ADARB2: variants seen among roughly 807,000 people sequenced by gnomAD.
The protein encoded by ADARB2 is adenosine deaminase RNA specific B2 (inactive), also known as inactive double-stranded RNA-specific editase B2.
ADARB2 carries 25 observed loss-of-function variants against 62.2 expected under a neutral mutation model. That is an observed-to-expected ratio of 0.40 (90% CI 0.29 to 0.56). ADARB2 has a LOEUF of 0.56. ADARB2 is among the 20% of genes least tolerant of loss of function. The pLI is 0.43. For missense variants in ADARB2, 1,071 were observed against 1,077.4 expected (o/e 0.99, Z 0.08); for synonymous variants, 572 against 500.8 (o/e 1.14, Z -1.90).
At chr10:1,518,714 G>A (rs907713990) in intron 1 of ADARB2, among the ~76,000 whole-genome samples, 3 of 151,518 alleles carry the variant, frequency 2.0e-5, no homozygotes, top group African/African-American at 4.9e-5. Flanking sequence ...CATTCATTCC[G>A]TGTAATGTCT....
At chr10:1,243,930 C>G (rs1830952563) in intron 4 of ADARB2, among the ~76,000 whole-genome samples, 1 of 152,222 alleles carries the variant, frequency 6.6e-6, no homozygotes, top group South Asian at 2.1e-4. Flanking sequence ...TGCTCCTGAG[C>G]TCAGGAAGTG....
intron 1 of ADARB2, among the ~76,000 whole-genome samples, chr10:1,445,149 A>G (rs545517407): frequency 4.4e-5 from 6 of 137,002 alleles, no homozygotes; most frequent in Admixed American, 3.7e-4. Flanking sequence ...TTCACTCACC[A>G]TCTATCTATC....
At position 1,220,213 on chromosome 10, in the gene ADARB2, ATGATGG is replaced by A. The variant is rs1156762147; in HGVS notation, c.1514-3100_1514-3095del. Among the ~76,000 whole-genome samples, 49 of 136,332 alleles carry A rather than the reference ATGATGG, an allele frequency of 3.6e-4. No homozygotes were observed. In the South Asian group the frequency reaches 9.7e-3, roughly 27 times the overall value. 89.4% of individuals were successfully genotyped at this position (136,332 alleles called of 152,430 possible). A position where few individuals can be genotyped will look rare whatever the true frequency, so the allele number is the denominator to read the frequency against. On this transcript the variant is annotated intron_variant, in intron 6 of 9. Coordinates refer to ENST00000381312, the MANE Select transcript of ADARB2 (RefSeq NM_018702.4). ...GATGATGATGATGGTAATGGTGGTG[ATGATGG>A]TGATGGTGATGATGGTGGTGATAAT...
rs76260586 is a variant in ADARB2, at chr10:1,548,124, C to T, written c.101-168964G>A. On this transcript the variant is annotated intron_variant, in intron 1 of 9. Coordinates refer to ENST00000381312, the MANE Select transcript of ADARB2 (RefSeq NM_018702.4). Reference sequence around the variant, plus strand: ...ACTGACCCTCAATAAAAACCTTGGACGCCGAAGCTCAGGTGAACTTTCCCA... The same window carrying T: ...ACTGACCCTCAATAAAAACCTTGGATGCCGAAGCTCAGGTGAACTTTCCCA... Among the ~76,000 whole-genome samples, 868 of 152,274 alleles carry T rather than the reference C, an allele frequency of 5.7e-3. 51 individuals are homozygous for T. The East Asian group carries it at 0.13, about 23-fold the overall frequency.
At chr10:1,736,916 C>T in intron 1 of ADARB2, 135 bp downstream of exon 1, 1 of 849,448 alleles carries the variant, frequency 1.2e-6, no homozygotes, top group South Asian at 1.6e-5. Flanking sequence ...GAGCGCCCTG[C>T]ACGGAGCAGC....
chr10:1,487,906 G>GAAAC (rs71379133), intron 1 of ADARB2, among the ~76,000 whole-genome samples: 52 of 151,934 alleles, frequency 3.4e-4, no homozygotes, highest in African/African-American at 9.6e-4. Context: ...AAGAAAAAAG[G>GAAAC]AAACAAACAA....
At chr10:1,280,415 G>T (rs187963881) in intron 3 of ADARB2, among the ~76,000 whole-genome samples, 1 of 152,184 alleles carries the variant, frequency 6.6e-6, no homozygotes, top group South Asian at 2.1e-4. Flanking sequence ...GGACATGCAG[G>T]TGTGGACTAT....
At chr10:1,523,603 A>T (rs2131953212) in intron 1 of ADARB2, among the ~76,000 whole-genome samples, 1 of 152,364 alleles carries the variant, frequency 6.6e-6, no homozygotes, top group East Asian at 1.9e-4. Flanking sequence ...TTCTCCACTC[A>T]TCATTAAAAT....
At chr10:1,638,614 T>G (rs549310893) in intron 1 of ADARB2, among the ~76,000 whole-genome samples, 1 of 152,330 alleles carries the variant, frequency 6.6e-6, no homozygotes, top group South Asian at 2.1e-4. Context: ...TCGTGTGCAT[T>G]ACACAGTTTC....
rs775110188 is a variant in ADARB2, at chr10:1,363,785, C to G, written c.320G>C (p.Gly107Ala). 1 of 1,600,066 alleles carries G rather than the reference C, an allele frequency of 6.2e-7. No homozygotes were observed. Among genetic ancestry groups the G allele is most frequent in the South Asian group, 1.1e-5 (1 of 90,900 alleles). Residue 107 changes from glycine to alanine, a missense_variant, in exon 3 of 10, where the codon GGG becomes GCG. Coordinates refer to ENST00000381312, the MANE Select transcript of ADARB2 (RefSeq NM_018702.4). ...CAGCTGCAGTTTGCACAAGTGGCCC[C>G]CATTCCCCTCCTCCAGCGGCCGCTT... is the stretch of plus-strand genomic sequence containing the variant. ...KRKRPLEEGN[G>A]GHLCKLQLVW... is the part of the protein sequence containing the mutation.
chr10:1,356,718 G>A (rs898898978), intron 3 of ADARB2, among the ~76,000 whole-genome samples: 1 of 152,168 alleles, frequency 6.6e-6, no homozygotes, highest in Non-Finnish European at 1.5e-5. Context: ...GGCACACACT[G>A]TTCTTCAATC....
At chr10:1,520,730 G>C (rs929898882) in intron 1 of ADARB2, among the ~76,000 whole-genome samples, 1 of 152,152 alleles carries the variant, frequency 6.6e-6, no homozygotes, top group Non-Finnish European at 1.5e-5. Context: ...TGGCTAATAT[G>C]TATCACCTCC....
intron 4 of ADARB2, among the ~76,000 whole-genome samples, chr10:1,254,314 A>T (rs1002838187): frequency 6.6e-6 from 1 of 152,204 alleles, no homozygotes; most frequent in East Asian, 1.9e-4. Context: ...ACATCACCAG[A>T]ACCGTCTACC....
At chr10:1,469,233 C>T (rs894558068) in intron 1 of ADARB2, among the ~76,000 whole-genome samples, 2 of 152,226 alleles carry the variant, frequency 1.3e-5, no homozygotes, top group Non-Finnish European at 2.9e-5. Context: ...CTCCCCAGTG[C>T]CCCCTGCAAA....
chr10:1,302,598 G>A (rs527645676), intron 3 of ADARB2, among the ~76,000 whole-genome samples: 64 of 152,210 alleles, frequency 4.2e-4, no homozygotes, highest in Non-Finnish European at 7.4e-4. Context: ...CAAAAAGACA[G>A]CAGTAACCTC....
chr10:1,432,579 A>T (rs548970763), intron 1 of ADARB2, among the ~76,000 whole-genome samples: 3 of 150,658 alleles, frequency 2.0e-5, no homozygotes, highest in Non-Finnish European at 4.4e-5. Flanking sequence ...GAAAAGTCCC[A>T]AGTCGAAAAG....
At chr10:1,298,929 G>C (rs1831549027) in intron 3 of ADARB2, among the ~76,000 whole-genome samples, 1 of 151,326 alleles carries the variant, frequency 6.6e-6, no homozygotes, top group South Asian at 2.1e-4. Flanking sequence ...ATTTTTTGTA[G>C]AGATGGGGTT....
At chr10:1,681,021 AC>A (rs1245787243) in intron 1 of ADARB2, among the ~76,000 whole-genome samples, 1 of 151,988 alleles carries the variant, frequency 6.6e-6, no homozygotes, top group Non-Finnish European at 1.5e-5. Flanking sequence ...GGGGTTAGGG[AC>A]CCCCCTGGAG....
chr10:1,657,129 C>A (rs57822300), intron 1 of ADARB2, among the ~76,000 whole-genome samples: 1,578 of 152,126 alleles, frequency 0.01, 27 homozygotes, highest in African/African-American at 0.036. Context: ...AGAAAGCATG[C>A]AGCCTTGTGA....
Sources: gnomAD v4.1 joint callset for allele counts (sites outside exome capture counted in the v4.1 genomes callset) on GRCh38, gnomAD v4.1.1 for gene constraint, MANE v1.5 for transcripts, NCBI Gene and HGNC (gene_info 2026-07-23, HGNC 2026-07-21) for gene names.